Variants in ERICH6B observed in about 807,000 individuals in gnomAD.
ERICH6B encodes glutamate rich 6B.
ERICH6B carries 69 observed loss-of-function variants against 80.0 expected under a neutral mutation model. The ratio of observed to expected loss-of-function variants is 0.86; its 90% confidence interval spans 0.71 to 1.05. ERICH6B has a LOEUF of 1.05. Among genes scored for constraint, ERICH6B ranks in the 50% least tolerant of loss-of-function variants. The pLI is 0.00. For missense variants in ERICH6B, 754 were observed against 796.1 expected (o/e 0.95, Z 0.64); for synonymous variants, 283 against 291.9 (o/e 0.97, Z 0.31).
At chr13:45,567,057 T>C (rs1874945411) in intron 9 of ERICH6B, among the ~76,000 whole-genome samples, 1 of 152,206 alleles carries the variant, frequency 6.6e-6, no homozygotes, top group Non-Finnish European at 1.5e-5. Flanking sequence ...TTTGGAACTT[T>C]AGGGTTTAAT....
chr13:45,602,970 A>T (rs59426964), intron 2 of ERICH6B, among the ~76,000 whole-genome samples: 1,915 of 152,256 alleles, frequency 0.013, 43 homozygotes, highest in African/African-American at 0.044. Context: ...GAGAAGCCCC[A>T]CCATCTGCCA....
chr13:45,596,662 T>C lies in ERICH6B; in HGVS notation c.344A>G (p.Tyr115Cys). 6.4e-7 allele frequency: 1 copy of C among 1,551,844 alleles called. No individual in the cohort carries two copies. The highest frequency in any genetic ancestry group is 8.7e-7 in the Non-Finnish European group (1 of 1,146,880). Reference protein sequence around the residue: ...EEEEYIEEEEYLGKEGYLEEE... With the variant: ...EEEEYIEEEECLGKEGYLEEE... ...CTCCAGATACCCTTCCTTCCCCAGA[T>C]ACTCTTCCTCTTCAATATACTCTTC... The change falls in exon 3 of 15, where the codon TAT becomes TGT. Residue 115 changes from tyrosine (Y) to cysteine (C), a missense_variant. Tyr to Cys is a radical substitution (Grantham distance 194). Transcript: ENST00000298738.
At chr13:45,573,211 A>G (rs939800060) in intron 8 of ERICH6B, among the ~76,000 whole-genome samples, 1 of 152,226 alleles carries the variant, frequency 6.6e-6, no homozygotes, top group African/African-American at 2.4e-5. Context: ...GAAACAACTT[A>G]AACATCCATT....
At chr13:45,576,350 C>T (rs1289617108) in intron 7 of ERICH6B, among the ~76,000 whole-genome samples, 1 of 152,210 alleles carries the variant, frequency 6.6e-6, no homozygotes, top group Non-Finnish European at 1.5e-5. Flanking sequence ...ACAATGCCAC[C>T]CCCACTGGGG....
At chr13:45,575,873 GAGA>G (rs1593789591) in intron 7 of ERICH6B, among the ~76,000 whole-genome samples, 1 of 152,194 alleles carries the variant, frequency 6.6e-6, no homozygotes, top group Non-Finnish European at 1.5e-5. Context: ...GTGATTCTGA[GAGA>G]AGAACTAGGA....
chr13:45,605,024 A>T (rs754403910), intron 2 of ERICH6B, among the ~76,000 whole-genome samples: 3 of 152,110 alleles, frequency 2.0e-5, no homozygotes, highest in Non-Finnish European at 2.9e-5. Context: ...CACTCTCTAA[A>T]GCTCTTCCCA....
chr13:45,604,252 T>C (rs1949844314), intron 2 of ERICH6B, among the ~76,000 whole-genome samples: 1 of 152,244 alleles, frequency 6.6e-6, no homozygotes, highest in African/African-American at 2.4e-5. Flanking sequence ...GGACGTTACA[T>C]TTTCTTTGGC....
chr13:45,561,330 T>G (rs1391052338), intron 11 of ERICH6B, 39 bp downstream of exon 11: 1 of 1,537,016 alleles, frequency 6.5e-7, no homozygotes, highest in African/African-American at 1.4e-5. Context: ...AAAAAAATCC[T>G]GTGCAAAGTA....
chr13:45,542,257 A>G (rs1302514742), intron 14 of ERICH6B, among the ~76,000 whole-genome samples: 1 of 152,208 alleles, frequency 6.6e-6, no homozygotes, highest in East Asian at 1.9e-4. Context: ...ATGCGTATGA[A>G]ATGTCTTCAC....
At chr13:45,550,783 G>T (rs1874189246) in intron 11 of ERICH6B, among the ~76,000 whole-genome samples, 1 of 152,092 alleles carries the variant, frequency 6.6e-6, no homozygotes, top group African/African-American at 2.4e-5. Context: ...CATCACCCCA[G>T]TCTCTACCTC....
chr13:45,608,964 C>T (rs1224596380), intron 1 of ERICH6B, among the ~76,000 whole-genome samples: 4 of 152,162 alleles, frequency 2.6e-5, no homozygotes, highest in Non-Finnish European at 5.9e-5. Flanking sequence ...TTCATCCTCC[C>T]AAACCCACGA....
chr13:45,600,258 G>C (rs1949818083), intron 2 of ERICH6B, among the ~76,000 whole-genome samples: 1 of 152,202 alleles, frequency 6.6e-6, no homozygotes, highest in Non-Finnish European at 1.5e-5. Flanking sequence ...CAATTGAAGA[G>C]TGGTGACAAG....
At chr13:45,552,303 T>G (rs1046497085) in intron 11 of ERICH6B, among the ~76,000 whole-genome samples, 1 of 152,106 alleles carries the variant, frequency 6.6e-6, no homozygotes, top group Non-Finnish European at 1.5e-5. Context: ...CCTCTAATTG[T>G]CCCCTGTCCC....
chr13:45,545,634 G>T (rs1026983797), intron 13 of ERICH6B, among the ~76,000 whole-genome samples: 4 of 152,150 alleles, frequency 2.6e-5, no homozygotes, highest in African/African-American at 9.7e-5. Flanking sequence ...AGAATAGGAG[G>T]CTCAGAAGTG....
At chr13:45,612,260 T>C (rs1168330650) in intron 1 of ERICH6B, among the ~76,000 whole-genome samples, 2 of 152,320 alleles carry the variant, frequency 1.3e-5, no homozygotes, top group East Asian at 3.9e-4. Context: ...CCATAAACAT[T>C]TATTGAGGAC....
At chr13:45,555,192 C>T (rs1025712637) in intron 11 of ERICH6B, among the ~76,000 whole-genome samples, 1 of 152,040 alleles carries the variant, frequency 6.6e-6, no homozygotes, top group Non-Finnish European at 1.5e-5. Context: ...GAGCAATAAG[C>T]CAAGTAAGGT....
At chr13:45,589,310 T>C (rs983527733) in intron 4 of ERICH6B, among the ~76,000 whole-genome samples, 3 of 152,044 alleles carry the variant, frequency 2.0e-5, no homozygotes, top group Non-Finnish European at 4.4e-5. Flanking sequence ...TGGGAACCCA[T>C]TGGAAACCCC....
At chr13:45,591,531 G>A (rs1361804280) in intron 3 of ERICH6B, among the ~76,000 whole-genome samples, 1 of 152,202 alleles carries the variant, frequency 6.6e-6, no homozygotes, top group South Asian at 2.1e-4. Context: ...AGGAGGCGGA[G>A]CTTGCACTGA....
At chr13:45,568,866 C>T (rs1010648967) in intron 8 of ERICH6B, among the ~76,000 whole-genome samples, 1 of 152,016 alleles carries the variant, frequency 6.6e-6, no homozygotes, top group African/African-American at 2.4e-5. Flanking sequence ...TTTTTTTAAA[C>T]ATCAACATGC....
Sources: gnomAD v4.1 joint callset for allele counts (sites outside exome capture counted in the v4.1 genomes callset) on GRCh38, gnomAD v4.1.1 for gene constraint, MANE v1.5 for transcripts, NCBI Gene and HGNC (gene_info 2026-07-23, HGNC 2026-07-21) for gene names.